Variants in CXorf58 observed in about 807,000 individuals in gnomAD.
CXorf58 encodes the protein uncharacterized protein CXorf58.
CXorf58 carries 24 observed loss-of-function variants against 26.0 expected under a neutral mutation model. The observed-to-expected ratio is 0.92, with a 90% CI of 0.67 to 1.30. CXorf58 has a LOEUF of 1.30. Among genes scored for constraint, CXorf58 ranks in the 50% most tolerant of loss-of-function variants. The pLI is 0.00. For missense variants in CXorf58, 236 were observed against 263.9 expected (o/e 0.89, Z 0.73); for synonymous variants, 87 against 86.1 (o/e 1.01, Z -0.06).
chrX:23,910,087 A>G (rs985601293), intron 1 of CXorf58, among the ~76,000 whole-genome samples, 196 bp from the exon 2 acceptor site: 1 of 112,074 alleles, frequency 8.9e-6, no homozygotes, highest in African/African-American at 3.2e-5. Flanking sequence ...GGATAGATTT[A>G]CTTGTCTTTT....
At chrX:23,912,609 T>C (rs971085047) in intron 3 of CXorf58, among the ~76,000 whole-genome samples, 6 of 111,019 alleles carry the variant, frequency 5.4e-5, no homozygotes, top group African/African-American at 2.0e-4. Context: ...CCAGGCGTGG[T>C]GGCATGAGCC....
chrX:23,916,742 T>C (rs1249855486), intron 5 of CXorf58, among the ~76,000 whole-genome samples: 1 of 108,421 alleles, frequency 9.2e-6, no homozygotes, highest in Non-Finnish European at 1.9e-5. Context: ...ATATAAAAAT[T>C]AGCCAGGTAT....
In CXorf58 at chrX:23,939,288, C is replaced by T; in HGVS notation, c.984C>T (p.Leu328=). The part of the protein sequence containing the change: ...GPSGTKDNYH[L]HSIF ...CAGGTACAAAGGATAACTATCATCT[C>T]CACTCCATCTTTTGACATTGTGAAA... The change falls in exon 9 of 9, where the codon CTC becomes CTT. Residue 328 remains leucine, a synonymous_variant. Coordinates refer to ENST00000379211, the MANE Select transcript of CXorf58 (RefSeq NM_152761.3). 3 of 1,190,258 alleles carry T rather than the reference C, an allele frequency of 2.5e-6. No homozygotes were observed. The highest frequency in any genetic ancestry group is 3.4e-6 in the Non-Finnish European group (3 of 880,634).
chrX:23,928,545 C>T (rs1378747678), intron 6 of CXorf58, among the ~76,000 whole-genome samples: 1 of 111,439 alleles, frequency 9.0e-6, no homozygotes, highest in Non-Finnish European at 1.9e-5. Flanking sequence ...TCTATCAGTG[C>T]CATTTTTCCA....
In CXorf58 at chrX:23,908,149, G is replaced by A. The variant is rs1405511656; in HGVS notation, c.-201G>A. ...AGGCTGCCGAGAGGGGGCGCTTGGAGGGCCACCGGCGGCTTCGAAAGCTTC... is the reference window on the plus strand; with the variant it reads ...AGGCTGCCGAGAGGGGGCGCTTGGAAGGCCACCGGCGGCTTCGAAAGCTTC... On this transcript the variant is annotated 5_prime_UTR_variant, in exon 1 of 9. Coordinates refer to ENST00000379211, the MANE Select transcript of CXorf58 (RefSeq NM_152761.3). The A allele has an allele frequency of 8.5e-6, 1 of 117,747 alleles. No individual in the cohort carries two copies. Among genetic ancestry groups the A allele is most frequent in the Non-Finnish European group, 1.8e-5 (1 of 56,531 alleles). 9.7% of individuals were successfully genotyped at this position (117,747 alleles called of 1,213,427 possible).
At chrX:23,929,182 G>A (rs1257510813) in intron 6 of CXorf58, among the ~76,000 whole-genome samples, 2 of 110,115 alleles carry the variant, frequency 1.8e-5, no homozygotes, top group Admixed American at 9.8e-5. Flanking sequence ...CGAGGTGGGC[G>A]GATCACGAGG....
At chrX:23,922,853 T>G (rs919702451) in intron 5 of CXorf58, among the ~76,000 whole-genome samples, 1 of 111,844 alleles carries the variant, frequency 8.9e-6, no homozygotes, top group African/African-American at 3.2e-5. Context: ...GATACTAGAG[T>G]AGCTTTACAA....
At chrX:23,939,042 A>T (rs1928361664) in intron 8 of CXorf58, among the ~76,000 whole-genome samples, 1 of 112,077 alleles carries the variant, frequency 8.9e-6, no homozygotes, top group South Asian at 3.6e-4. Flanking sequence ...ACTTATTAAG[A>T]ACTATGCTTT....
At chrX:23,928,700 C>T (rs769835954) in intron 6 of CXorf58, among the ~76,000 whole-genome samples, 1 of 111,535 alleles carries the variant, frequency 9.0e-6, no homozygotes, top group Non-Finnish European at 1.9e-5. Flanking sequence ...TGGAGCACCA[C>T]AAACTGAGCC....
In CXorf58 at chrX:23,908,060, G is replaced by A; in HGVS notation, c.-290G>A. On this transcript the variant is annotated 5_prime_UTR_variant, in exon 1 of 9. Transcript: ENST00000379211. ...AGGCGCCTGGCGTTGCCGCGGCGCTGGGAAACTGTCTTTGCAGCGGCGACT... is the reference window on the plus strand; with the variant it reads ...AGGCGCCTGGCGTTGCCGCGGCGCTAGGAAACTGTCTTTGCAGCGGCGACT... 5.9e-6 allele frequency: 1 copy of A among 168,345 alleles called. No individual in the cohort carries two copies. Among genetic ancestry groups the A allele is most frequent in the Non-Finnish European group, 1.1e-5 (1 of 88,685 alleles). 13.9% of individuals were successfully genotyped at this position (168,345 alleles called of 1,213,427 possible).
intron 5 of CXorf58, among the ~76,000 whole-genome samples, chrX:23,924,302 T>TTTTATTTATTTA (rs537677465): frequency 1.2e-4 from 12 of 100,457 alleles, no homozygotes; most frequent in East Asian, 6.8e-4. Context: ...ACTATCTTTA[T>TTTTATTTATTTA]TTTATTTATT....
Position 23,935,231 on chromosome X carries a change from T to C in CXorf58, c.591T>C (p.Ser197=). 1 of 1,211,440 alleles carries C rather than the reference T, an allele frequency of 8.3e-7. No individual in the cohort carries two copies. The highest frequency in any genetic ancestry group is 1.1e-6 in the Non-Finnish European group (1 of 895,229). Residue 197 remains serine (S), a synonymous_variant, in exon 7 of 9, where the codon TCT becomes TCC. Transcript: ENST00000379211. ...RSFFDEAPAF[S]GGRNNSWRKL... is the part of the protein sequence containing the mutation. ...TTTTCGATGAGGCCCCTGCATTTTC[T>C]GGCGGCAGAAATAACAGCTGGCGCA...
chrX:23,911,246 G>A (rs1056484743), intron 2 of CXorf58, among the ~76,000 whole-genome samples: 7 of 110,933 alleles, frequency 6.3e-5, no homozygotes, highest in East Asian at 2.8e-4. Flanking sequence ...GAATAATTCC[G>A]ACTTGACCTG....
chrX:23,922,007 AACATTTTATGC>A (rs1927883011), intron 5 of CXorf58, among the ~76,000 whole-genome samples: 1 of 111,026 alleles, frequency 9.0e-6, no homozygotes, highest in African/African-American at 3.3e-5. Context: ...TATGATCTTA[AACATTTTATGC>A]ACATTACTCT....
At position 23,911,776 on chromosome X, in the gene CXorf58, G is replaced by C. The variant is rs761858937; in HGVS notation, c.136G>C (p.Ala46Pro). The change falls in exon 3 of 9, where the codon GCT (alanine) becomes CCT (proline). Residue 46 changes from alanine (A) to proline (P), a missense_variant. Transcript: ENST00000379211. ...SLLSMLKDIS[A>P]QIIQRAWLSH... Reference sequence around the variant, plus strand: ...TCTCAGAATGCTTAAAGACATTTCAGCTCAAATAATACAGAGGGCTTGGTT... The same window carrying C: ...TCTCAGAATGCTTAAAGACATTTCACCTCAAATAATACAGAGGGCTTGGTT... The C allele has an allele frequency of 2.4e-5, 28 of 1,184,520 alleles. No individual in the cohort carries two copies. The South Asian group carries it at 4.8e-4, about 20-fold the overall frequency.
chrX:23,911,749 T>TC lies in CXorf58; in HGVS notation c.117-7dup, dbSNP rs768337114. ...CTTTATAAATATTAACCTCTTTTTT[T>TC]CTCTCAGAATGCTTAAAGACATTTC... On this transcript the variant is annotated splice_region_variant and splice_polypyrimidine_tract_variant and intron_variant, in intron 2 of 8. Transcript: ENST00000379211. 1 of 1,113,637 alleles carries TC rather than the reference T, an allele frequency of 9.0e-7. No individual in the cohort carries two copies. The highest frequency in any genetic ancestry group is 3.0e-5 in the East Asian group (1 of 33,261). The allele number at this position is 1,113,637 out of a possible 1,213,427, so 91.8% of individuals were successfully genotyped here.
intron 6 of CXorf58, among the ~76,000 whole-genome samples, chrX:23,930,603 CAAAA>C (rs35152285): frequency 1.3e-5 from 1 of 76,128 alleles, no homozygotes; most frequent in African/African-American, 5.2e-5. Context: ...GACCCTGTCT[CAAAA>C]AAAAAAAAAA....
chrX:23,911,152 C>T (rs749859067), intron 2 of CXorf58, among the ~76,000 whole-genome samples: 2 of 110,825 alleles, frequency 1.8e-5, no homozygotes, highest in Admixed American at 9.7e-5. Context: ...TTGTACATAG[C>T]GCTGTAAGGG....
intron 7 of CXorf58, 34 bp downstream of exon 7, chrX:23,935,459 A>G: frequency 3.1e-6 from 3 of 973,500 alleles, no homozygotes; most frequent in Non-Finnish European, 4.4e-6. Flanking sequence ...TTACAATACT[A>G]GGGGCATATC....
Sources: gnomAD v4.1 joint callset for allele counts (sites outside exome capture counted in the v4.1 genomes callset) on GRCh38, gnomAD v4.1.1 for gene constraint, MANE v1.5 for transcripts, NCBI Gene and HGNC (gene_info 2026-07-23, HGNC 2026-07-21) for gene names.